Variants in DCC observed in about 807,000 individuals in gnomAD.
DCC encodes netrin receptor DCC.
Under a neutral mutation model 172.5 loss-of-function variants are expected in DCC, and 58 were observed. The ratio of observed to expected loss-of-function variants is 0.34; its 90% CI spans 0.27 to 0.42. The LOEUF (loss-of-function observed/expected upper bound fraction) is 0.42, where lower values mean the gene tolerates loss of function less well. DCC is among the 10% of genes least tolerant of loss of function. The pLI, the probability that DCC is intolerant of heterozygous loss-of-function variation, is 1.00. For missense variants in DCC, 1,740 were observed against 1,791.0 expected (o/e 0.97, Z 0.51); for synonymous variants, 709 against 644.5 (o/e 1.10, Z -1.52).
chr18:52,962,868 C>T (rs961802067), intron 5 of DCC, among the ~76,000 whole-genome samples: 5 of 147,714 alleles, frequency 3.4e-5, no homozygotes, highest in African/African-American at 1.3e-4. Context: ...AAAAACCAAA[C>T]ACTGCATGTT....
intron 1 of DCC, among the ~76,000 whole-genome samples, chr18:52,726,224 G>C (rs1401588744): frequency 1.3e-5 from 2 of 152,148 alleles, no homozygotes; most frequent in African/African-American, 2.4e-5. Context: ...GTCACACACA[G>C]CTGGCAATGG....
At chr18:53,450,128 T>G (rs201422449) in intron 22 of DCC, among the ~76,000 whole-genome samples, 1 of 40,500 alleles carries the variant, frequency 2.5e-5, no homozygotes, top group Non-Finnish European at 8.4e-5. Flanking sequence ...GGGATATATA[T>G]ATATATATAT....
At chr18:53,289,520 A>G (rs1442212716) in intron 12 of DCC, among the ~76,000 whole-genome samples, 2 of 152,112 alleles carry the variant, frequency 1.3e-5, no homozygotes, top group African/African-American at 2.4e-5. Flanking sequence ...AGAATCAATC[A>G]TGTTCTTCAA....
chr18:52,521,844 C>T (rs955843283), intron 1 of DCC, among the ~76,000 whole-genome samples: 2 of 152,126 alleles, frequency 1.3e-5, no homozygotes, highest in African/African-American at 2.4e-5. Context: ...GTTTCTATCC[C>T]TCATCCTACT....
chr18:52,927,928 G>A (rs567743023), intron 5 of DCC, among the ~76,000 whole-genome samples: 6 of 152,144 alleles, frequency 3.9e-5, no homozygotes, highest in South Asian at 4.1e-4. Flanking sequence ...TATACTCAAC[G>A]GAATGTAAAT....
At chr18:52,622,717 T>A (rs2034502060) in intron 1 of DCC, among the ~76,000 whole-genome samples, 1 of 152,198 alleles carries the variant, frequency 6.6e-6, no homozygotes, top group Non-Finnish European at 1.5e-5. Context: ...AAGACAACTA[T>A]TCTATTAATA....
intron 5 of DCC, among the ~76,000 whole-genome samples, chr18:52,983,166 C>T (rs893520701): frequency 1.3e-5 from 2 of 152,098 alleles, no homozygotes; most frequent in African/African-American, 4.8e-5. Flanking sequence ...GGTGAAGGGG[C>T]AATTTGCCCT....
At chr18:52,823,044 G>A (rs1161467809) in intron 2 of DCC, among the ~76,000 whole-genome samples, 1 of 152,150 alleles carries the variant, frequency 6.6e-6, no homozygotes, top group African/African-American at 2.4e-5. Flanking sequence ...AATCTTAACT[G>A]GTTTTGTGAA....
intron 1 of DCC, among the ~76,000 whole-genome samples, chr18:52,751,357 C>A (rs566431154): frequency 6.6e-6 from 1 of 152,256 alleles, no homozygotes; most frequent in Admixed American, 6.5e-5. Flanking sequence ...TTCTATTACC[C>A]TTGGTTGATT....
intron 5 of DCC, among the ~76,000 whole-genome samples, chr18:53,026,143 AT>A (rs1048602845): frequency 6.6e-6 from 1 of 152,050 alleles, no homozygotes; most frequent in African/African-American, 2.4e-5. Context: ...TCTATGGAGA[AT>A]TTTTATTAGT....
At chr18:52,673,840 CT>C (rs1304081079) in intron 1 of DCC, among the ~76,000 whole-genome samples, 1 of 152,176 alleles carries the variant, frequency 6.6e-6, no homozygotes, top group Non-Finnish European at 1.5e-5. Context: ...CTTAGGGTTA[CT>C]CATTTTTAAT....
chr18:52,774,852 C>A (rs1249012637), intron 2 of DCC, among the ~76,000 whole-genome samples: 1 of 152,192 alleles, frequency 6.6e-6, no homozygotes, highest in Non-Finnish European at 1.5e-5. Context: ...GTGATTTACA[C>A]CTTCGGCAGC....
Position 52,906,097 on chromosome 18 carries a change from A to C in DCC, c.466A>C (p.Thr156Pro). 1 of 1,613,232 alleles carries C rather than the reference A, an allele frequency of 6.2e-7. No individual in the cohort carries two copies. The highest frequency in any genetic ancestry group is 8.5e-7 in the Non-Finnish European group (1 of 1,179,194). The change falls in exon 3 of 29, where the codon ACA becomes CCA. Residue 156 changes from threonine (T) to proline (P), a missense_variant. Coordinates refer to ENST00000442544, the MANE Select transcript of DCC (RefSeq NM_005215.4). ...ATCTGTCACAGCCTTCATGGGAGAC[A>C]CAGTGCTACTCAAGTGTGAAGTCAT... is the stretch of plus-strand genomic sequence containing the variant. Reference protein sequence around the residue: ...TESVTAFMGDTVLLKCEVIGE... With the variant: ...TESVTAFMGDPVLLKCEVIGE...
At chr18:52,364,581 A>C (rs1984761449) in intron 1 of DCC, among the ~76,000 whole-genome samples, 1 of 152,368 alleles carries the variant, frequency 6.6e-6, no homozygotes, top group African/African-American at 2.4e-5. Context: ...CATTTATTAC[A>C]TAGCATTCCT....
chr18:52,418,217 A>C (rs1041679432), intron 1 of DCC, among the ~76,000 whole-genome samples: 5 of 152,184 alleles, frequency 3.3e-5, no homozygotes, highest in African/African-American at 7.2e-5. Flanking sequence ...GAGAAATCTT[A>C]ATTTCCTCTG....
At chr18:52,410,904 C>T (rs566503868) in intron 1 of DCC, among the ~76,000 whole-genome samples, 2 of 152,066 alleles carry the variant, frequency 1.3e-5, no homozygotes, top group African/African-American at 2.4e-5. Context: ...TTTTTATAGA[C>T]AACTTTTAGA....
chr18:53,036,697 T>A (rs2042097690), intron 5 of DCC, among the ~76,000 whole-genome samples: 2 of 152,022 alleles, frequency 1.3e-5, no homozygotes, highest in African/African-American at 4.8e-5. Flanking sequence ...TGCTATTCAA[T>A]ATGCACCCCT....
intron 23 of DCC, among the ~76,000 whole-genome samples, chr18:53,456,400 C>G (rs1337358246): frequency 6.6e-6 from 1 of 152,088 alleles, no homozygotes; most frequent in Non-Finnish European, 1.5e-5. Context: ...TAGAAGGAGA[C>G]CCTCCTATTC....
chr18:52,986,015 G>A (rs1435701427), intron 5 of DCC, among the ~76,000 whole-genome samples: 1 of 152,068 alleles, frequency 6.6e-6, no homozygotes, highest in East Asian at 1.9e-4. Context: ...TTTGGCCTTT[G>A]TTATTTTCTC....
Sources: gnomAD v4.1 joint callset for allele counts (sites outside exome capture counted in the v4.1 genomes callset) on GRCh38, gnomAD v4.1.1 for gene constraint, MANE v1.5 for transcripts, NCBI Gene and HGNC (gene_info 2026-07-23, HGNC 2026-07-21) for gene names.